Variants in LGSN observed in about 807,000 individuals in gnomAD.
LGSN encodes the protein lengsin.
Under a neutral mutation model 19.5 loss-of-function variants are expected in LGSN, and 21 were observed. The observed-to-expected ratio is 1.07, with a 90% confidence interval of 0.76 to 1.55. The LOEUF (loss-of-function observed/expected upper bound fraction) is 1.55. Among genes scored for constraint, LGSN ranks in the 40% most tolerant of loss-of-function variants. The pLI, the probability that LGSN is intolerant of heterozygous loss-of-function variation, is 0.00. For missense variants in LGSN, 673 were observed against 608.5 expected (o/e 1.11, Z -1.12); for synonymous variants, 257 against 215.6 (o/e 1.19, Z -1.68).
chr6:63,499,321 C>A, the LGSN span, among the ~76,000 whole-genome samples: 26 of 151,864 alleles, frequency 1.7e-4, no homozygotes, highest in Non-Finnish European at 3.5e-4. Context: ...AGTACAGTCA[C>A]TGGTTTCTGT....
chr6:63,310,551 A>AT (rs1342838694), intron 1 of LGSN, among the ~76,000 whole-genome samples: 1 of 152,158 alleles, frequency 6.6e-6, no homozygotes, highest in Admixed American at 6.6e-5. Context: ...GAATTAAAAG[A>AT]TAAAAATATA....
the LGSN span, among the ~76,000 whole-genome samples, chr6:63,458,170 C>T: frequency 1.4e-4 from 22 of 152,074 alleles, no homozygotes; most frequent in Admixed American, 5.2e-4. Flanking sequence ...GGGGTTCAAG[C>T]GATTCTCCTG....
chr6:63,551,477 C>T, the LGSN span, among the ~76,000 whole-genome samples: 1 of 152,140 alleles, frequency 6.6e-6, no homozygotes, highest in Non-Finnish European at 1.5e-5. Context: ...CTATTTCTTT[C>T]CAGGCTTTTT....
chr6:63,469,969 G>T, the LGSN span, among the ~76,000 whole-genome samples: 1 of 151,864 alleles, frequency 6.6e-6, no homozygotes, highest in African/African-American at 2.4e-5. Context: ...ACCTACCTTC[G>T]CCTCCCAAAG....
chr6:63,278,138 T>C lies in LGSN; in HGVS notation c.*1883A>G, dbSNP rs1767153234. On this transcript the variant is annotated 3_prime_UTR_variant, in exon 4 of 4. Coordinates refer to ENST00000370657, the MANE Select transcript of LGSN (RefSeq NM_016571.3). ...GTCCTAAAGAACTTATATGCAACAC[T>C]TCTACTTTCACCTCTTTGCACTGAA... The C allele has an allele frequency of 6.6e-6, 1 of 151,938 alleles. No individual in the cohort carries two copies. Among genetic ancestry groups the C allele is most frequent in the Non-Finnish European group, 1.5e-5 (1 of 67,982 alleles). The allele number at this position is 151,938 out of a possible 1,614,324, so 9.4% of individuals were successfully genotyped here.
chr6:63,288,230 A>C (rs375215704), intron 2 of LGSN, among the ~76,000 whole-genome samples: 1 of 138,490 alleles, frequency 7.2e-6, no homozygotes, highest in Non-Finnish European at 1.6e-5. Flanking sequence ...CCATCTCAAA[A>C]AAATAAATAA....
chr6:63,318,418 T>C (rs1337711075), intron 1 of LGSN, among the ~76,000 whole-genome samples: 1 of 152,144 alleles, frequency 6.6e-6, no homozygotes, highest in East Asian at 1.9e-4. Flanking sequence ...ATGTCATCTC[T>C]CTCCCTCCTT....
intron 3 of LGSN, 61 bp from the exon 4 acceptor site, chr6:63,281,281 G>T (rs527941505): frequency 1.1e-5 from 12 of 1,138,374 alleles, no homozygotes; most frequent in Middle Eastern, 2.5e-4. Context: ...GTCGGGGGGC[G>T]GCGGGAAAGC....
chr6:63,454,787 C>CTTTTTCTT, the LGSN span, among the ~76,000 whole-genome samples: 1 of 74,956 alleles, frequency 1.3e-5, no homozygotes, highest in African/African-American at 6.3e-5. Flanking sequence ...TTCTTTTTTT[C>CTTTTTCTT]TTTTTCTTTT....
chr6:63,390,782 C>T, the LGSN span, among the ~76,000 whole-genome samples: 2 of 150,758 alleles, frequency 1.3e-5, no homozygotes, highest in Middle Eastern at 3.4e-3. Context: ...TGGCGTGAAC[C>T]CCGGGGGACG....
At chr6:63,390,372 C>T in the LGSN span, among the ~76,000 whole-genome samples, 15 of 151,464 alleles carry the variant, frequency 9.9e-5, no homozygotes, top group African/African-American at 3.4e-4. Context: ...TCAGGTGATC[C>T]ACCTGCCTTG....
At chr6:63,564,489 T>G in the LGSN span, among the ~76,000 whole-genome samples, 5 of 152,206 alleles carry the variant, frequency 3.3e-5, no homozygotes, top group African/African-American at 1.2e-4. Flanking sequence ...TGCAGGAAAT[T>G]GTTCAACAAC....
chr6:63,395,310 C>T, the LGSN span: 1 of 152,138 alleles, frequency 6.6e-6, no homozygotes, highest in African/African-American at 2.4e-5. Context: ...GAGGCATTAG[C>T]CAAGACGGAA....
At chr6:63,360,872 ACAGT>A in the LGSN span, among the ~76,000 whole-genome samples, 1 of 152,082 alleles carries the variant, frequency 6.6e-6, no homozygotes, top group African/African-American at 2.4e-5. Flanking sequence ...TTTCCTTCTA[ACAGT>A]CAGCACCCTC....
chr6:63,390,101 ACTTTCTTT>A, the LGSN span, among the ~76,000 whole-genome samples: 1 of 133,698 alleles, frequency 7.5e-6, no homozygotes, highest in African/African-American at 3.0e-5. Context: ...GTATTTGGAC[ACTTTCTTT>A]CTTTCTTTCT....
chr6:63,335,471 T>C, the LGSN span, among the ~76,000 whole-genome samples: 1 of 151,854 alleles, frequency 6.6e-6, no homozygotes, highest in Non-Finnish European at 1.5e-5. Context: ...AAAAATACAA[T>C]AATGCCATTA....
the LGSN span, among the ~76,000 whole-genome samples, chr6:63,359,294 C>CT: frequency 1.3e-5 from 2 of 152,072 alleles, no homozygotes; most frequent in Non-Finnish European, 2.9e-5. Context: ...CTAAAATTCT[C>CT]TTTTTTTGTT....
chr6:63,300,143 C>T (rs1768126768), intron 1 of LGSN, among the ~76,000 whole-genome samples: 1 of 152,190 alleles, frequency 6.6e-6, no homozygotes, highest in African/African-American at 2.4e-5. Context: ...CCCTGCCCTT[C>T]CTCCTCCAGC....
the LGSN span, among the ~76,000 whole-genome samples, chr6:63,354,687 C>T: frequency 1.3e-5 from 2 of 152,142 alleles, no homozygotes; most frequent in Non-Finnish European, 2.9e-5. Context: ...TCTGCGCTCA[C>T]ATATTTATTC....
Sources: gnomAD v4.1 joint callset for allele counts (sites outside exome capture counted in the v4.1 genomes callset) on GRCh38, gnomAD v4.1.1 for gene constraint, MANE v1.5 for transcripts, NCBI Gene and HGNC (gene_info 2026-07-23, HGNC 2026-07-21) for gene names.